The following TEX9 variants were observed in gnomAD, a reference collection of about 807,000 sequenced individuals.
TEX9 encodes testis-expressed protein 9.
TEX9 carries 74 observed loss-of-function variants against 59.6 expected under a neutral mutation model. The observed-to-expected ratio is 1.24, with a 90% CI of 1.03 to 1.51. TEX9 has a LOEUF of 1.51. Among genes scored for constraint, TEX9 ranks in the 40% most tolerant of loss-of-function variants. The pLI is 0.00. For missense variants in TEX9, 522 were observed against 447.8 expected (o/e 1.17, Z -1.49); for synonymous variants, 186 against 152.2 (o/e 1.22, Z -1.64).
chr15:56,444,594 T>C, intron 12 of TEX9: 1 of 1,613,450 alleles, frequency 6.2e-7, no homozygotes, highest in Non-Finnish European at 8.5e-7. Context: ...TTTGTTTCGT[T>C]TGTCTTCTGC....
intron 1 of TEX9, among the ~76,000 whole-genome samples, chr15:56,295,871 A>G (rs1226555037): frequency 1.3e-5 from 2 of 152,210 alleles, no homozygotes. Flanking sequence ...AGATCCTAAC[A>G]GCCTGCTCTT....
chr15:56,447,482 G>T (rs2050915506), downstream of TEX9: 1 of 151,922 alleles, frequency 6.6e-6, no homozygotes, highest in African/African-American at 2.4e-5. Context: ...GTTTATATCT[G>T]TGTTTTATTT....
intron 2 of TEX9, among the ~76,000 whole-genome samples, chr15:56,372,992 C>A (rs1218490547): frequency 1.3e-5 from 2 of 152,162 alleles, no homozygotes; most frequent in Middle Eastern, 3.4e-3. Context: ...CATTTAGCTC[C>A]CCAGTTATAG....
At chr15:56,336,875 C>T (rs1014271066) in intron 1 of TEX9, among the ~76,000 whole-genome samples, 1 of 152,114 alleles carries the variant, frequency 6.6e-6, no homozygotes, top group East Asian at 1.9e-4. Flanking sequence ...CAAGGCATTA[C>T]CTTTCAGCGT....
chr15:56,394,918 G>C lies in TEX9; in HGVS notation c.828+84G>C, dbSNP rs188428419. 3.1e-4 allele frequency: 407 copies of C among 1,301,064 alleles called. 3 individuals carry two copies. The Admixed American group carries it at 1.0e-2, about 32-fold the overall frequency. 80.6% of individuals were successfully genotyped at this position (1,301,064 alleles called of 1,614,324 possible). On this transcript the variant is annotated intron_variant, in intron 9 of 12. Coordinates refer to ENST00000352903, the Ensembl canonical transcript of TEX9. ...TACACATTTGTATAGATGCCATTTT[G>C]ACAGTTCAGTTATTTTATTAGTATT...
chr15:56,448,164 A>G (rs1364249162), downstream of TEX9, among the ~76,000 whole-genome samples: 1 of 152,178 alleles, frequency 6.6e-6, no homozygotes, highest in Admixed American at 6.5e-5. Context: ...ATAAATACCT[A>G]AGGTGGAATG....
At chr15:56,415,046 C>A (rs11638965) in intron 10 of TEX9, among the ~76,000 whole-genome samples, 133,485 of 151,650 alleles carry the variant, frequency 0.88, 59,044 homozygotes, top group South Asian at 0.95. Context: ...TCTTTTGAGA[C>A]GTGTCTGTTC....
intron 3 of TEX9, among the ~76,000 whole-genome samples, chr15:56,374,784 A>T (rs77772253): frequency 0.13 from 19,661 of 152,088 alleles, 1,702 homozygotes; most frequent in East Asian, 0.37. Context: ...AGATCCCACA[A>T]ATAAGTGAGA....
chr15:56,338,405 G>A (rs1160772254), intron 1 of TEX9, among the ~76,000 whole-genome samples: 1 of 152,184 alleles, frequency 6.6e-6, no homozygotes, highest in East Asian at 1.9e-4. Context: ...AGACCTGCAG[G>A]TTTTGGGTGG....
chr15:56,365,035 A>G (rs191051127), upstream of TEX9, among the ~76,000 whole-genome samples: 6 of 152,336 alleles, frequency 3.9e-5, no homozygotes, highest in East Asian at 1.2e-3. Flanking sequence ...AACAAAAATT[A>G]GAAATCAAAA....
intron 1 of TEX9, among the ~76,000 whole-genome samples, chr15:56,300,704 A>AGAGAGAGAGAGG: frequency 9.4e-6 from 1 of 105,840 alleles, no homozygotes; most frequent in Non-Finnish European, 2.0e-5. Context: ...AGAGAGAGAG[A>AGAGAGAGAGAGG]GAGGGAGAGA....
chr15:56,342,334 C>T (rs554666267), intron 1 of TEX9, among the ~76,000 whole-genome samples: 2 of 152,256 alleles, frequency 1.3e-5, no homozygotes, highest in East Asian at 3.9e-4. Flanking sequence ...GAAAAGGACA[C>T]ACAGCCACAT....
chr15:56,325,792 G>A (rs2046008157), intron 1 of TEX9, among the ~76,000 whole-genome samples: 1 of 152,126 alleles, frequency 6.6e-6, no homozygotes. Context: ...ACTATAGCCA[G>A]TATTAATAAT....
intron 1 of TEX9, among the ~76,000 whole-genome samples, chr15:56,311,413 G>A (rs1406418170): frequency 5.1e-5 from 7 of 136,526 alleles, no homozygotes; most frequent in African/African-American, 1.9e-4. Context: ...TTGTTCTTGC[G>A]ATAGTTTACT....
intron 1 of TEX9, among the ~76,000 whole-genome samples, chr15:56,326,369 A>G (rs1473682140): frequency 6.6e-6 from 1 of 152,218 alleles, no homozygotes; most frequent in Non-Finnish European, 1.5e-5. Context: ...GTAGACAAAT[A>G]TATTTACTGA....
intron 1 of TEX9, among the ~76,000 whole-genome samples, chr15:56,266,571 G>A (rs376676360): frequency 3.4e-5 from 5 of 146,536 alleles, no homozygotes; most frequent in Admixed American, 1.4e-4. Flanking sequence ...GTGAGAACAC[G>A]CAGTGTTTGG....
At chr15:56,271,585 C>T (rs2044533222) in intron 1 of TEX9, among the ~76,000 whole-genome samples, 1 of 152,170 alleles carries the variant, frequency 6.6e-6, no homozygotes, top group African/African-American at 2.4e-5. Flanking sequence ...AGGCATGAGT[C>T]ACCATGCCTG....
At chr15:56,308,824 T>C (rs1218921196) in intron 1 of TEX9, among the ~76,000 whole-genome samples, 1 of 152,194 alleles carries the variant, frequency 6.6e-6, no homozygotes, top group African/African-American at 2.4e-5. Context: ...GCCATTGAAT[T>C]ATTTTATACT....
chr15:56,365,807 C>T (rs2046917112), intron 2 of TEX9, 137 bp downstream of exon 2: 25 of 1,458,362 alleles, frequency 1.7e-5, no homozygotes, highest in Non-Finnish European at 3.6e-6. Context: ...ATCTCGTTCA[C>T]CTGCCGTTTA....
Sources: allele counts gnomAD v4.1 joint callset (sites outside exome capture counted in the v4.1 genomes callset), GRCh38; gene constraint gnomAD v4.1.1; transcripts MANE v1.5; gene names NCBI Gene and HGNC (gene_info 2026-07-23, HGNC 2026-07-21).